Variants in NEK10 observed in about 807,000 individuals in gnomAD.
NEK10 encodes serine/threonine-protein kinase Nek10.
A neutral mutation model predicts 159.8 loss-of-function variants in NEK10; 122 were observed. That is an observed-to-expected ratio of 0.76 (90% CI 0.66 to 0.89). The LOEUF (loss-of-function observed/expected upper bound fraction) is 0.89. NEK10 is among the 40% of genes least tolerant of loss of function. The pLI is 0.00. For missense variants in NEK10, 1,342 were observed against 1,323.1 expected, an observed-to-expected ratio of 1.01 and a Z score of -0.22; for synonymous variants, 466 against 457.1, an observed-to-expected ratio of 1.02 and a Z score of -0.25.
At chr3:27,176,563 T>C (rs1274099622) in intron 26 of NEK10, among the ~76,000 whole-genome samples, 2 of 152,208 alleles carry the variant, frequency 1.3e-5, no homozygotes, top group Non-Finnish European at 2.9e-5. Flanking sequence ...CAAAACTTTA[T>C]TGCAAAACCA....
In NEK10 at chr3:27,140,104, C is replaced by T. The variant is rs190592114; in HGVS notation, c.2970+1378G>A. Among the ~76,000 whole-genome samples the T allele has an allele frequency of 2.2e-4, 33 of 152,236 alleles. No individual in the cohort carries two copies. The East Asian group carries it at 5.6e-3, about 26-fold the overall frequency. On this transcript the variant is annotated intron_variant, in intron 31 of 35. Coordinates refer to ENST00000691995, the MANE Select transcript of NEK10 (RefSeq NM_001394966.1). ...TGCCTTAGCCAACAGAGATCTTTGG[C>T]AGTGGTTAGTTGACTAGGGTGTTCC...
intron 23 of NEK10, among the ~76,000 whole-genome samples, chr3:27,254,836 C>A (rs1190678744): frequency 6.6e-6 from 1 of 151,764 alleles, no homozygotes; most frequent in Non-Finnish European, 1.5e-5. Flanking sequence ...AAATGTGAAG[C>A]CGTGTTTGCG....
chr3:27,265,269 T>A (rs1018993645), intron 22 of NEK10, among the ~76,000 whole-genome samples: 14 of 152,030 alleles, frequency 9.2e-5, no homozygotes, highest in African/African-American at 3.4e-4. Context: ...TGTGGGAACA[T>A]AATTTTAAAT....
intron 33 of NEK10, among the ~76,000 whole-genome samples, chr3:27,116,541 C>T (rs1220486459): frequency 6.6e-6 from 1 of 152,102 alleles, no homozygotes; most frequent in African/African-American, 2.4e-5. Flanking sequence ...TTGATTCTTA[C>T]AGGGAGGCAG....
In NEK10 at chr3:27,349,635, A is replaced by G. The variant is rs1488571931; in HGVS notation, c.132+2830T>C. Among the ~76,000 whole-genome samples, 3 of 152,288 alleles carry G rather than the reference A, an allele frequency of 2.0e-5. No individual in the cohort carries two copies. In the East Asian group the frequency reaches 5.8e-4, roughly 29 times the overall value. On this transcript the variant is annotated intron_variant, in intron 3 of 35. Transcript: ENST00000691995. ...TTCTTCCATCTTTTTTTAAAATTCC[A>G]AATAAATTCCTTAGCTTCCTATGGC...
intron 26 of NEK10, among the ~76,000 whole-genome samples, chr3:27,187,556 G>A (rs1948735730): frequency 6.6e-6 from 1 of 152,062 alleles, no homozygotes; most frequent in South Asian, 2.1e-4. Context: ...GGCCAGGGAT[G>A]GAAGAGAAAA....
intron 22 of NEK10, among the ~76,000 whole-genome samples, chr3:27,279,235 T>A (rs1050502485): frequency 6.6e-6 from 1 of 152,232 alleles, no homozygotes; most frequent in Non-Finnish European, 1.5e-5. Context: ...AAGCTTTTTT[T>A]TCTGATCACA....
At chr3:27,114,410 A>T (rs906335825) in intron 35 of NEK10, among the ~76,000 whole-genome samples, 1 of 152,216 alleles carries the variant, frequency 6.6e-6, no homozygotes, top group African/African-American at 2.4e-5. Context: ...AGAATTACTC[A>T]TTGTTCCTCT....
At chr3:27,122,956 G>A (rs186023808) in intron 32 of NEK10, among the ~76,000 whole-genome samples, 141 of 152,174 alleles carry the variant, frequency 9.3e-4, no homozygotes, top group Non-Finnish European at 1.4e-3. Context: ...TAGAGAGATC[G>A]GCACACGGAT....
chr3:27,211,814 A>ATTG, intron 23 of NEK10, among the ~76,000 whole-genome samples: 1 of 152,186 alleles, frequency 6.6e-6, no homozygotes, highest in African/African-American at 2.4e-5. Flanking sequence ...TATACTAATT[A>ATTG]ATTGATTGAT....
intron 26 of NEK10, among the ~76,000 whole-genome samples, chr3:27,182,381 C>T (rs1174161882): frequency 6.6e-6 from 1 of 151,840 alleles, no homozygotes; most frequent in African/African-American, 2.4e-5. Flanking sequence ...TTTTTAAAAG[C>T]TACAAAAATC....
At position 27,311,014 on chromosome 3, in the gene NEK10, T is replaced by C. The variant is rs1047156658; in HGVS notation, c.571A>G (p.Ile191Val). 1.4e-5 allele frequency: 23 copies of C among 1,605,148 alleles called. No individual in the cohort carries two copies. The highest frequency in any genetic ancestry group is 2.2e-5 in the East Asian group (1 of 44,830). ...TVDKLVNMTY[I>V]FQKLAAVKDQ... is the part of the protein sequence containing the mutation. ...TTGACTGCAGCAAGTTTTTGAAAAATATCTATAAAGGAAAGAAAGAGCGCA... is the reference window on the plus strand; with the variant it reads ...TTGACTGCAGCAAGTTTTTGAAAAACATCTATAAAGGAAAGAAAGAGCGCA... Residue 191 changes from isoleucine to valine, a missense_variant and splice_region_variant, in exon 9 of 36, where the codon ATT becomes GTT. Transcript: ENST00000691995.
intron 5 of NEK10, among the ~76,000 whole-genome samples, 187 bp from the exon 6 acceptor site, chr3:27,322,448 CAGTGTGGAGG>C (rs2045711202): frequency 6.7e-6 from 1 of 149,732 alleles, no homozygotes; most frequent in South Asian, 2.1e-4. Flanking sequence ...CTATCTTTTT[CAGTGTGGAGG>C]AGAGGCCCCC....
At chr3:27,184,407 G>A (rs1389346236) in intron 26 of NEK10, among the ~76,000 whole-genome samples, 1 of 152,128 alleles carries the variant, frequency 6.6e-6, no homozygotes, top group Non-Finnish European at 1.5e-5. Flanking sequence ...TACGTCCTGG[G>A]GCAGAGAATT....
intron 23 of NEK10, among the ~76,000 whole-genome samples, chr3:27,243,836 T>G (rs1380248131): frequency 4.0e-4 from 26 of 64,354 alleles, no homozygotes; most frequent in African/African-American, 1.0e-3. Flanking sequence ...CATGGGTGTG[T>G]GTGTGTGTGT....
intron 29 of NEK10, among the ~76,000 whole-genome samples, chr3:27,164,525 A>G (rs1402421303): frequency 6.6e-6 from 1 of 152,262 alleles, no homozygotes; most frequent in Non-Finnish European, 1.5e-5. Context: ...TATTATTTCA[A>G]CATATACAAA....
At chr3:27,322,340 G>T in intron 5 of NEK10, 79 bp from the exon 6 acceptor site, 1 of 852,438 alleles carries the variant, frequency 1.2e-6, no homozygotes, top group Non-Finnish European at 1.9e-6. Flanking sequence ...GGCTATGAAG[G>T]AGTATAAAGA....
intron 23 of NEK10, among the ~76,000 whole-genome samples, chr3:27,218,086 A>T (rs1426053195): frequency 2.0e-5 from 3 of 152,276 alleles, no homozygotes; most frequent in Non-Finnish European, 1.5e-5. Context: ...GATCACTGAG[A>T]TAGCTAAGTG....
intron 23 of NEK10, among the ~76,000 whole-genome samples, chr3:27,248,079 T>G (rs1212318371): frequency 6.6e-6 from 1 of 152,132 alleles, no homozygotes; most frequent in African/African-American, 2.4e-5. Context: ...GTTTTGAGTT[T>G]CTTCATGGTT....
Sources: allele counts gnomAD v4.1 joint callset (sites outside exome capture counted in the v4.1 genomes callset), GRCh38; gene constraint gnomAD v4.1.1; transcripts MANE v1.5; gene names NCBI Gene and HGNC (gene_info 2026-07-23, HGNC 2026-07-21).